Variants in FTO observed in about 807,000 individuals in gnomAD.
FTO encodes FTO alpha-ketoglutarate dependent dioxygenase, also known as alpha-ketoglutarate-dependent dioxygenase FTO.
FTO carries 47 observed loss-of-function variants against 63.9 expected under a neutral mutation model. That is an observed-to-expected ratio of 0.74 (90% CI 0.58 to 0.94). The LOEUF (loss-of-function observed/expected upper bound fraction) is 0.94. Ranked by LOEUF, FTO falls within the 40% of genes least tolerant of loss-of-function variation. The pLI, the probability that FTO is intolerant of heterozygous loss-of-function variation, is 0.00. For synonymous variants in FTO, 207 were observed against 224.4 expected (o/e 0.92, Z 0.69); for missense variants, 562 against 618.1 (o/e 0.91, Z 0.96).
intron 8 of FTO, among the ~76,000 whole-genome samples, chr16:53,962,012 A>G (rs1309669846): frequency 6.6e-6 from 1 of 152,188 alleles, no homozygotes; most frequent in Non-Finnish European, 1.5e-5. Context: ...AAGCATCCGA[A>G]TCACTAGTCC....
intron 7 of FTO, among the ~76,000 whole-genome samples, chr16:53,924,248 G>A (rs909427820): frequency 6.6e-6 from 1 of 152,120 alleles, no homozygotes; most frequent in Admixed American, 6.5e-5. Context: ...CACGAGTTCG[G>A]TGCTATTACT....
chr16:53,872,137 A>T (rs149942003), intron 4 of FTO, among the ~76,000 whole-genome samples: 8 of 152,122 alleles, frequency 5.3e-5, no homozygotes, highest in South Asian at 2.1e-4. Flanking sequence ...TTTCCTAAGG[A>T]TTTTCTAGTA....
intron 1 of FTO, among the ~76,000 whole-genome samples, chr16:53,721,186 C>T (rs144827746): frequency 4.8e-4 from 73 of 152,274 alleles, no homozygotes; most frequent in African/African-American, 1.7e-3. Context: ...CCAGTTTACT[C>T]GGGGTGACCT....
intron 1 of FTO, among the ~76,000 whole-genome samples, chr16:53,729,638 G>T (rs2076229743): frequency 6.6e-6 from 1 of 151,908 alleles, no homozygotes; most frequent in Non-Finnish European, 1.5e-5. Flanking sequence ...CTTATTTATT[G>T]TCAGCTGGTA....
intron 8 of FTO, among the ~76,000 whole-genome samples, chr16:54,100,476 C>G (rs1038374950): frequency 6.6e-6 from 1 of 152,086 alleles, no homozygotes; most frequent in Admixed American, 6.6e-5. Context: ...CCTCAGCCTC[C>G]CAACTAGCTA....
At chr16:53,710,958 C>T (rs148240047) in intron 1 of FTO, among the ~76,000 whole-genome samples, 2 of 152,188 alleles carry the variant, frequency 1.3e-5, no homozygotes, top group African/African-American at 2.4e-5. Context: ...TTTACTTGCG[C>T]AAGCAATTTA....
chr16:53,871,108 G>A (rs1487979588), intron 4 of FTO, among the ~76,000 whole-genome samples: 1 of 152,016 alleles, frequency 6.6e-6, no homozygotes. Flanking sequence ...CTGATTTTAA[G>A]ACATTTCATT....
chr16:53,805,154 G>T (rs138366095), intron 1 of FTO, among the ~76,000 whole-genome samples: 4 of 152,298 alleles, frequency 2.6e-5, no homozygotes, highest in African/African-American at 9.6e-5. Context: ...TGTGGAAAAT[G>T]ATAAATGGAT....
At chr16:54,076,033 G>A (rs749716653) in intron 8 of FTO, among the ~76,000 whole-genome samples, 1 of 152,062 alleles carries the variant, frequency 6.6e-6, no homozygotes, top group Non-Finnish European at 1.5e-5. Context: ...GGCTTGGGAC[G>A]GTTAATGACA....
intron 4 of FTO, among the ~76,000 whole-genome samples, chr16:53,863,998 C>A (rs1007439007): frequency 6.6e-6 from 1 of 152,176 alleles, no homozygotes; most frequent in South Asian, 2.1e-4. Context: ...CATTGATTGT[C>A]TCATTGAGAA....
chr16:53,809,956 A>G (rs1425816218), intron 1 of FTO, among the ~76,000 whole-genome samples, 184 bp from the exon 2 acceptor site: 1 of 152,100 alleles, frequency 6.6e-6, no homozygotes, highest in Non-Finnish European at 1.5e-5. Context: ...GAAAAGAAAA[A>G]AAAAGATGTA....
chr16:53,776,955 A>G (rs553999688), intron 1 of FTO, among the ~76,000 whole-genome samples: 1 of 152,162 alleles, frequency 6.6e-6, no homozygotes, highest in Non-Finnish European at 1.5e-5. Flanking sequence ...TTAATTGACA[A>G]TAATTATCTA....
intron 8 of FTO, among the ~76,000 whole-genome samples, chr16:53,971,077 A>AT (rs1430552692): frequency 1.3e-5 from 2 of 152,134 alleles, no homozygotes; most frequent in African/African-American, 4.8e-5. Flanking sequence ...GGAGCCTGTG[A>AT]TTTTTCACTT....
chr16:53,999,212 C>A (rs11642317), intron 8 of FTO, among the ~76,000 whole-genome samples: 6,329 of 152,264 alleles, frequency 0.042, 197 homozygotes, highest in Middle Eastern at 0.12. Context: ...CAAAAAGCAG[C>A]TTTTGAGAAC....
chr16:53,909,677 C>T (rs2081635403), intron 7 of FTO, among the ~76,000 whole-genome samples: 1 of 151,050 alleles, frequency 6.6e-6, no homozygotes, highest in South Asian at 2.1e-4. Context: ...GATTCTTCTG[C>T]CTCAGCTTCC....
At chr16:54,109,324 T>C (rs1383983856) in intron 8 of FTO, among the ~76,000 whole-genome samples, 7 of 152,192 alleles carry the variant, frequency 4.6e-5, no homozygotes, top group East Asian at 1.9e-4. Context: ...AGCCAGTCTT[T>C]GTTTTTTTCT....
intron 8 of FTO, among the ~76,000 whole-genome samples, chr16:53,982,434 T>TTGA (rs1321157768): frequency 5.3e-5 from 8 of 152,224 alleles, no homozygotes; most frequent in African/African-American, 1.7e-4. Flanking sequence ...GATGAAAACC[T>TTGA]TGATGATATT....
intron 1 of FTO, among the ~76,000 whole-genome samples, chr16:53,783,466 G>A (rs2077640653): frequency 6.6e-6 from 1 of 152,142 alleles, no homozygotes; most frequent in South Asian, 2.1e-4. Context: ...AATTAGCCAG[G>A]GCGTGGTGGC....
intron 8 of FTO, among the ~76,000 whole-genome samples, chr16:54,110,152 C>T (rs1256763693): frequency 7.2e-5 from 11 of 152,156 alleles, no homozygotes; most frequent in African/African-American, 1.9e-4. Flanking sequence ...CGACAGCAAG[C>T]GGCATGGTCT....
Sources: gnomAD v4.1 joint callset for allele counts (sites outside exome capture counted in the v4.1 genomes callset) on GRCh38, gnomAD v4.1.1 for gene constraint, MANE v1.5 for transcripts, NCBI Gene and HGNC (gene_info 2026-07-23, HGNC 2026-07-21) for gene names.